RBFOX1: variants seen among roughly 807,000 people sequenced by gnomAD.
RBFOX1 encodes RNA binding protein fox-1 homolog 1.
In RBFOX1, 8 loss-of-function variants were observed where a neutral mutation model predicts 57.7. That is an observed-to-expected ratio of 0.14 (90% CI 0.08 to 0.25). RBFOX1 has a LOEUF of 0.25. Among genes scored for constraint, RBFOX1 ranks in the 10% least tolerant of loss-of-function variants. RBFOX1 has a pLI of 1.00. For synonymous variants in RBFOX1, 326 were observed against 222.4 expected, an observed-to-expected ratio of 1.47 and a Z score of -4.15; for missense variants, 611 against 548.5, an observed-to-expected ratio of 1.11 and a Z score of -1.14.
chr16:6,352,785 C>G (rs1268233253), intron 2 of RBFOX1, among the ~76,000 whole-genome samples: 1 of 152,194 alleles, frequency 6.6e-6, no homozygotes, highest in Non-Finnish European at 1.5e-5. Flanking sequence ...GCGACGCTGC[C>G]TTGCCCATCT....
chr16:5,294,190 C>G (rs968435493), intron 1 of RBFOX1, among the ~76,000 whole-genome samples: 3 of 152,148 alleles, frequency 2.0e-5, no homozygotes, highest in Admixed American at 2.0e-4. Flanking sequence ...GATCACACCA[C>G]TGCACTCCAG....
chr16:6,452,781 G>A (rs1213177323), intron 2 of RBFOX1, among the ~76,000 whole-genome samples: 4 of 152,138 alleles, frequency 2.6e-5, no homozygotes, highest in African/African-American at 4.8e-5. Context: ...TGTGACCTGG[G>A]TTAATAATGA....
chr16:5,514,120 C>T (rs534813052), intron 2 of RBFOX1, among the ~76,000 whole-genome samples: 1 of 152,006 alleles, frequency 6.6e-6, no homozygotes, highest in East Asian at 1.9e-4. Context: ...AATAAACTAC[C>T]CCAAAACTTT....
chr16:6,224,837 A>G (rs537447300), intron 1 of RBFOX1, among the ~76,000 whole-genome samples: 33 of 152,158 alleles, frequency 2.2e-4, no homozygotes, highest in African/African-American at 7.7e-4. Context: ...CCTGACCAAC[A>G]TGGGAAACCC....
At chr16:7,070,572 T>C (rs1437573434) in intron 4 of RBFOX1, among the ~76,000 whole-genome samples, 1 of 152,214 alleles carries the variant, frequency 6.6e-6, no homozygotes, top group East Asian at 1.9e-4. Context: ...CTGAACTCTT[T>C]TCAAGATAGC....
intron 4 of RBFOX1, among the ~76,000 whole-genome samples, chr16:7,486,332 C>T (rs1167484122): frequency 6.6e-6 from 1 of 151,628 alleles, no homozygotes; most frequent in Non-Finnish European, 1.5e-5. Flanking sequence ...GCGGTTTCAC[C>T]ATGTTGGCCA....
At chr16:7,472,032 G>T (rs775038839) in intron 4 of RBFOX1, among the ~76,000 whole-genome samples, 1 of 152,152 alleles carries the variant, frequency 6.6e-6, no homozygotes. Flanking sequence ...ACACACTTTA[G>T]TATATATTTG....
At chr16:6,914,589 C>T (rs1320378613) in intron 3 of RBFOX1, among the ~76,000 whole-genome samples, 1 of 151,908 alleles carries the variant, frequency 6.6e-6, no homozygotes, top group African/African-American at 2.4e-5. Context: ...AAACAGGGAT[C>T]AAGGCCAGGA....
intron 3 of RBFOX1, among the ~76,000 whole-genome samples, chr16:5,848,844 G>A (rs915957258): frequency 1.3e-5 from 2 of 152,090 alleles, no homozygotes; most frequent in African/African-American, 4.8e-5. Flanking sequence ...AGCTCCTTGG[G>A]AGGCTGAGGC....
intron 1 of RBFOX1, among the ~76,000 whole-genome samples, chr16:5,258,388 A>G (rs2151093078): frequency 6.8e-6 from 1 of 147,980 alleles, no homozygotes; most frequent in Admixed American, 6.8e-5. Context: ...TATGTAATTT[A>G]CTTTCCCTCT....
intron 1 of RBFOX1, among the ~76,000 whole-genome samples, chr16:6,026,832 G>A (rs1452194523): frequency 6.6e-6 from 1 of 152,138 alleles, no homozygotes; most frequent in Non-Finnish European, 1.5e-5. Context: ...TTGAGGGAGC[G>A]GTTGGACCAC....
intron 1 of RBFOX1, among the ~76,000 whole-genome samples, chr16:5,310,377 G>T (rs897140990): frequency 1.3e-5 from 2 of 152,000 alleles, no homozygotes; most frequent in Non-Finnish European, 1.5e-5. Flanking sequence ...CTCCACCCTG[G>T]GTGACAGAGC....
chr16:5,746,161 A>G (rs2052972332), intron 3 of RBFOX1, among the ~76,000 whole-genome samples: 1 of 152,212 alleles, frequency 6.6e-6, no homozygotes, highest in Non-Finnish European at 1.5e-5. Flanking sequence ...CTATATGGCT[A>G]GCCAGTTTTC....
At position 5,443,725 on chromosome 16, in the gene RBFOX1, C is replaced by T. The variant is rs567538922; in HGVS notation, c.220-23491C>T. ...TGAGTGTTTACTCTGGGTCAGGGAC[C>T]CCTTTAAGCTTTTGCTTTGATTATT... On this transcript the variant is annotated intron_variant, in intron 1 of 2. Coordinates refer to the RBFOX1 transcript ENST00000585867. Among the ~76,000 whole-genome samples the T allele has an allele frequency of 3.3e-5, 5 of 152,276 alleles. No homozygotes were observed. In the South Asian group the frequency reaches 1.0e-3, roughly 32 times the overall value.
chr16:7,180,242 C>T (rs1453170649), intron 4 of RBFOX1, among the ~76,000 whole-genome samples: 4 of 152,004 alleles, frequency 2.6e-5, no homozygotes, highest in Admixed American at 1.3e-4. Context: ...TTTTTAAATG[C>T]GTTTTACATA....
intron 4 of RBFOX1, among the ~76,000 whole-genome samples, chr16:7,085,603 T>G (rs879306836): frequency 2.6e-5 from 4 of 152,082 alleles, no homozygotes; most frequent in Non-Finnish European, 5.9e-5. Flanking sequence ...CTGCAAAATT[T>G]TAAAGAGTAG....
chr16:6,796,474 A>G lies in RBFOX1; in HGVS notation c.-16+141824A>G, dbSNP rs961243047. Among the ~76,000 whole-genome samples, 18 of 152,252 alleles carry G rather than the reference A, an allele frequency of 1.2e-4. No homozygotes were observed. The East Asian group carries it at 1.9e-3, about 16-fold the overall frequency. The stretch of plus-strand genomic sequence containing the variant: ...ACTGCCAAATCAACACTCTTCCACT[A>G]TATCATTTTCCATTTTCAATAAATA... On this transcript the variant is annotated intron_variant, in intron 3 of 15. Transcript: ENST00000550418.
intron 5 of RBFOX1, among the ~76,000 whole-genome samples, chr16:7,539,492 C>G (rs1433672951): frequency 6.6e-6 from 1 of 152,166 alleles, no homozygotes; most frequent in Non-Finnish European, 1.5e-5. Flanking sequence ...ATCTGAGAAG[C>G]CCAGGTGACA....
At chr16:7,404,725 C>G (rs7188349) in intron 4 of RBFOX1, among the ~76,000 whole-genome samples, 1 of 151,786 alleles carries the variant, frequency 6.6e-6, no homozygotes, top group African/African-American at 2.4e-5. Flanking sequence ...AACAAACAAA[C>G]AAAACCGAAT....
Sources: allele counts gnomAD v4.1 joint callset (sites outside exome capture counted in the v4.1 genomes callset), GRCh38; gene constraint gnomAD v4.1.1; transcripts MANE v1.5; gene names NCBI Gene and HGNC (gene_info 2026-07-23, HGNC 2026-07-21).